BMPR2: variants seen among roughly 807,000 people sequenced by gnomAD.
The protein encoded by BMPR2 is bone morphogenetic protein receptor type-2.
In BMPR2, 29 loss-of-function variants were observed where a neutral mutation model predicts 100.8. The ratio of observed to expected loss-of-function variants is 0.29; its 90% CI spans 0.21 to 0.39. BMPR2 has a LOEUF of 0.39. Ranked by LOEUF, BMPR2 falls within the 10% of genes least tolerant of loss-of-function variation. The pLI, the probability that BMPR2 is intolerant of heterozygous loss-of-function variation, is 1.00. For missense variants in BMPR2, 1,011 were observed against 1,274.5 expected (o/e 0.79, Z 3.15); for synonymous variants, 382 against 442.3 (o/e 0.86, Z 1.71).
chr2:202,442,698 A>G (rs1198928516), intron 1 of BMPR2, among the ~76,000 whole-genome samples: 1 of 150,486 alleles, frequency 6.6e-6, no homozygotes, highest in Non-Finnish European at 1.5e-5. Flanking sequence ...GCATTATTTC[A>G]TCTTTTGTGA....
At chr2:202,461,053 C>T (rs1209054969) in intron 1 of BMPR2, among the ~76,000 whole-genome samples, 3 of 151,946 alleles carry the variant, frequency 2.0e-5, no homozygotes, top group South Asian at 2.1e-4. Context: ...CTGTGTTGCC[C>T]GGGCTGGTGC....
chr2:202,486,624 CA>C (rs200186562), intron 3 of BMPR2, among the ~76,000 whole-genome samples: 262 of 113,424 alleles, frequency 2.3e-3, no homozygotes, highest in Middle Eastern at 4.9e-3. Flanking sequence ...AGACTGTCTC[CA>C]AAAAAAAAAA....
Position 202,555,972 on chromosome 2 carries a change from C to G in BMPR2, c.2307C>G (p.Pro769=). 6.2e-7 allele frequency: 1 copy of G among 1,614,016 alleles called. No homozygotes were observed. The highest frequency in any genetic ancestry group is 1.3e-5 in the African/African-American group (1 of 74,998). ...PLNTKNSTKE[P]RLKFGSKHKS... ...ACACCAAAAATTCAACAAAAGAGCC[C>G]CGGCTAAAATTTGGCAGCAAGCACA... Residue 769 remains proline, a synonymous_variant, in exon 12 of 13, where the codon CCC becomes CCG. Coordinates refer to ENST00000374580, the MANE Select transcript of BMPR2 (RefSeq NM_001204.7).
chr2:202,478,935 A>G (rs1692604620), intron 3 of BMPR2, among the ~76,000 whole-genome samples: 1 of 152,098 alleles, frequency 6.6e-6, no homozygotes, highest in Non-Finnish European at 1.5e-5. Context: ...CAAACCATAA[A>G]TAAAAATAAA....
chr2:202,553,235 T>C (rs1246871380), intron 11 of BMPR2, among the ~76,000 whole-genome samples: 1 of 152,182 alleles, frequency 6.6e-6, no homozygotes, highest in Non-Finnish European at 1.5e-5. Context: ...TCCTTTGTTG[T>C]TATTCCTTCT....
At chr2:202,417,018 A>T (rs770302265) in intron 1 of BMPR2, among the ~76,000 whole-genome samples, 1 of 149,342 alleles carries the variant, frequency 6.7e-6, no homozygotes, top group Non-Finnish European at 1.5e-5. Context: ...TTGTGTTTTT[A>T]GTAGAGACGG....
At chr2:202,508,111 A>T (rs929934259) in intron 3 of BMPR2, among the ~76,000 whole-genome samples, 2 of 110,866 alleles carry the variant, frequency 1.8e-5, no homozygotes, top group Admixed American at 9.3e-5. Context: ...TATTATTATT[A>T]TTTTTGAGTC....
At chr2:202,427,284 C>T (rs1325505915) in intron 1 of BMPR2, among the ~76,000 whole-genome samples, 2 of 146,722 alleles carry the variant, frequency 1.4e-5, no homozygotes, top group African/African-American at 2.5e-5. Context: ...TGCTTAGGCC[C>T]GGGAGATTGA....
chr2:202,408,054 C>G lies in BMPR2; in HGVS notation c.76+30504C>G, dbSNP rs1457255679. Among the ~76,000 whole-genome samples, 4 of 152,076 alleles carry G rather than the reference C, an allele frequency of 2.6e-5. No homozygotes were observed. The East Asian group carries it at 5.9e-4, about 22-fold the overall frequency. ...TTCACCGTGTTAGCCAGGATGGTCTCGATCTCTTGACCTCGTGATCTGCCC... is the reference window on the plus strand; with the variant it reads ...TTCACCGTGTTAGCCAGGATGGTCTGGATCTCTTGACCTCGTGATCTGCCC... On this transcript the variant is annotated intron_variant, in intron 1 of 12. Coordinates refer to ENST00000374580, the MANE Select transcript of BMPR2 (RefSeq NM_001204.7).
In BMPR2 at chr2:202,561,312, A is replaced by G. The variant is rs1559076139; in HGVS notation, c.*1366A>G. 3 of 152,120 alleles carry G rather than the reference A, an allele frequency of 2.0e-5. No individual in the cohort carries two copies. 9.4% of individuals were successfully genotyped at this position (152,120 alleles called of 1,614,324 possible). A position where few individuals can be genotyped will look rare whatever the true frequency, so the allele number is the denominator to read the frequency against. ...ATTTTTCCTTTTGCCAGTTTTTCAC[A>G]TTATCTTTGATATGTGAGCAACATT... On this transcript the variant is annotated 3_prime_UTR_variant, in exon 13 of 13. Transcript: ENST00000374580.
intron 1 of BMPR2, among the ~76,000 whole-genome samples, chr2:202,407,340 C>A (rs914333465): frequency 6.6e-6 from 1 of 152,112 alleles, no homozygotes; most frequent in African/African-American, 2.4e-5. Context: ...TTCTTGGCCT[C>A]CCAAAGTGCT....
rs898974954 is a variant in BMPR2, at chr2:202,440,811, GGGGAGA to G, written c.77-23984_77-23979del. Among the ~76,000 whole-genome samples the G allele has an allele frequency of 1.4e-4, 21 of 150,332 alleles. 1 individual carries two copies. Among genetic ancestry groups the G allele is most frequent in the South Asian group, 1.2e-3 (6 of 4,806 alleles). On this transcript the variant is annotated intron_variant, in intron 1 of 12. Coordinates refer to ENST00000374580, the MANE Select transcript of BMPR2 (RefSeq NM_001204.7). ...GGAGACCGGGGAGACCGGGGAGACT[GGGGAGA>G]GGGAGAGGGAGAGCAGTTGTGGGTT...
intron 1 of BMPR2, among the ~76,000 whole-genome samples, chr2:202,442,021 G>A (rs949648438): frequency 8.0e-5 from 12 of 149,316 alleles, no homozygotes; most frequent in Admixed American, 2.6e-4. Context: ...GGACAAGAGC[G>A]AGACTTTGTC....
chr2:202,542,183 G>A, intron 9 of BMPR2, 128 bp from the exon 10 acceptor site: 1 of 1,066,976 alleles, frequency 9.4e-7, no homozygotes, highest in Non-Finnish European at 1.4e-6. Context: ...GTGCCTGAAG[G>A]GGATGAAAAA....
chr2:202,401,242 A>C (rs1690764394), intron 1 of BMPR2, among the ~76,000 whole-genome samples: 1 of 152,170 alleles, frequency 6.6e-6, no homozygotes, highest in Admixed American at 6.6e-5. Flanking sequence ...CCTTTTATAT[A>C]AGAGTAAAAT....
At chr2:202,463,046 A>G (rs1403191884) in intron 1 of BMPR2, among the ~76,000 whole-genome samples, 1 of 152,020 alleles carries the variant, frequency 6.6e-6, no homozygotes, top group African/African-American at 2.4e-5. Context: ...TACCAGTTTT[A>G]TGTTCAAAAC....
intron 1 of BMPR2, among the ~76,000 whole-genome samples, chr2:202,380,223 A>C (rs898892661): frequency 1.3e-5 from 2 of 151,806 alleles, no homozygotes; most frequent in African/African-American, 4.8e-5. Flanking sequence ...TATGAAAAAT[A>C]AGATGTGCTG....
chr2:202,430,340 T>C (rs1440423376), intron 1 of BMPR2, among the ~76,000 whole-genome samples: 1 of 152,250 alleles, frequency 6.6e-6, no homozygotes, highest in Non-Finnish European at 1.5e-5. Flanking sequence ...CTTTTTGTTT[T>C]ATGATTCACT....
At chr2:202,458,282 G>GA (rs1559044718) in intron 1 of BMPR2, among the ~76,000 whole-genome samples, 1 of 45,430 alleles carries the variant, frequency 2.2e-5, no homozygotes, top group African/African-American at 8.2e-5. Flanking sequence ...CCTTGTCTCT[G>GA]CAAAAAAAAA....
Sources: gnomAD v4.1 joint callset for allele counts (sites outside exome capture counted in the v4.1 genomes callset) on GRCh38, gnomAD v4.1.1 for gene constraint, MANE v1.5 for transcripts, NCBI Gene and HGNC (gene_info 2026-07-23, HGNC 2026-07-21) for gene names.